Variants in KCNT2 observed in about 807,000 individuals in gnomAD.
KCNT2 encodes potassium channel subfamily T member 2.
A neutral mutation model predicts 153.8 loss-of-function variants in KCNT2; 67 were observed. The observed-to-expected ratio is 0.44, with a 90% CI of 0.36 to 0.53. The LOEUF (loss-of-function observed/expected upper bound fraction) is 0.53, where lower values mean the gene tolerates loss of function less well. Ranked by LOEUF, KCNT2 falls within the 20% of genes least tolerant of loss-of-function variation. KCNT2 has a pLI of 0.00. For synonymous variants in KCNT2, 500 were observed against 458.8 expected, an observed-to-expected ratio of 1.09 and a Z score of -1.15; for missense variants, 975 against 1,354.8, an observed-to-expected ratio of 0.72 and a Z score of 4.40.
At chr1:196,478,637 A>G (rs1572588298) in intron 5 of KCNT2, among the ~76,000 whole-genome samples, 1 of 152,064 alleles carries the variant, frequency 6.6e-6, no homozygotes, top group African/African-American at 2.4e-5. Context: ...CCTCACTGGA[A>G]TTACCCATTA....
intron 1 of KCNT2, among the ~76,000 whole-genome samples, chr1:196,505,451 T>C (rs908136986): frequency 8.6e-5 from 13 of 151,602 alleles, no homozygotes; most frequent in African/African-American, 2.9e-4. Context: ...ATATCTCTGT[T>C]TTGGTACCAG....
chr1:196,273,739 G>C (rs1046997596), intron 25 of KCNT2, among the ~76,000 whole-genome samples: 4 of 151,680 alleles, frequency 2.6e-5, no homozygotes, highest in Non-Finnish European at 4.4e-5. Context: ...TGTAATAGTA[G>C]AGTGTTAATG....
intron 14 of KCNT2, among the ~76,000 whole-genome samples, chr1:196,345,502 T>C (rs1483503236): frequency 1.3e-5 from 2 of 151,290 alleles, no homozygotes; most frequent in Non-Finnish European, 2.9e-5. Flanking sequence ...GGAGGAGGGA[T>C]CATGTAGGAC....
intron 1 of KCNT2, among the ~76,000 whole-genome samples, chr1:196,511,069 C>T (rs561175187): frequency 4.6e-5 from 7 of 151,530 alleles, no homozygotes; most frequent in South Asian, 2.1e-4. Flanking sequence ...CTAAAGGAAG[C>T]ACCTAAAAAA....
At chr1:196,289,630 T>C (rs898968131) in intron 22 of KCNT2, among the ~76,000 whole-genome samples, 1 of 152,182 alleles carries the variant, frequency 6.6e-6, no homozygotes, top group East Asian at 1.9e-4. Flanking sequence ...ACTTTGGTTA[T>C]TTAACAGAGG....
chr1:196,271,577 T>C (rs764149447), intron 25 of KCNT2, among the ~76,000 whole-genome samples: 1 of 151,998 alleles, frequency 6.6e-6, no homozygotes, highest in African/African-American at 2.4e-5. Context: ...AATGCTTTCC[T>C]GGGTTTGAGA....
At chr1:196,519,003 C>T (rs1174744136) in intron 1 of KCNT2, among the ~76,000 whole-genome samples, 8 of 152,088 alleles carry the variant, frequency 5.3e-5, no homozygotes, top group Admixed American at 1.3e-4. Context: ...TTCTCATTGC[C>T]ACAAGGCACA....
intron 1 of KCNT2, among the ~76,000 whole-genome samples, chr1:196,578,623 T>C (rs747409459): frequency 3.9e-5 from 6 of 152,166 alleles, no homozygotes; most frequent in African/African-American, 1.4e-4. Flanking sequence ...ACTTAACGTA[T>C]GAAGAATTCT....
At chr1:196,570,436 G>A (rs1660644547) in intron 1 of KCNT2, among the ~76,000 whole-genome samples, 2 of 152,058 alleles carry the variant, frequency 1.3e-5, no homozygotes, top group Admixed American at 6.6e-5. Flanking sequence ...AAGGAAGAGA[G>A]TTAGACATAC....
At chr1:196,339,617 G>C (rs1665413591) in intron 16 of KCNT2, among the ~76,000 whole-genome samples, 1 of 151,790 alleles carries the variant, frequency 6.6e-6, no homozygotes. Context: ...TAGGTAATGA[G>C]GAGGGATTAA....
intron 8 of KCNT2, among the ~76,000 whole-genome samples, chr1:196,434,441 C>T (rs964998400): frequency 1.3e-5 from 2 of 151,898 alleles, no homozygotes; most frequent in Non-Finnish European, 2.9e-5. Context: ...AAAAAGTCTC[C>T]TACTGTGCTT....
intron 8 of KCNT2, among the ~76,000 whole-genome samples, chr1:196,441,870 A>G (rs1354514766): frequency 6.6e-6 from 1 of 151,848 alleles, no homozygotes; most frequent in Non-Finnish European, 1.5e-5. Context: ...ACATTTATTA[A>G]GAAATACATA....
intron 1 of KCNT2, among the ~76,000 whole-genome samples, chr1:196,527,806 G>A (rs938796577): frequency 6.6e-6 from 1 of 152,110 alleles, no homozygotes; most frequent in Non-Finnish European, 1.5e-5. Flanking sequence ...TATGAACGGA[G>A]GTACACCCCT....
intron 8 of KCNT2, among the ~76,000 whole-genome samples, chr1:196,440,470 A>T (rs1481785570): frequency 6.6e-6 from 1 of 152,062 alleles, no homozygotes; most frequent in Admixed American, 6.6e-5. Flanking sequence ...TACCAAACAT[A>T]TCTGCCAAAT....
intron 12 of KCNT2, among the ~76,000 whole-genome samples, chr1:196,411,883 T>C (rs1014070220): frequency 6.6e-6 from 1 of 151,822 alleles, no homozygotes; most frequent in African/African-American, 2.4e-5. Flanking sequence ...TAACTATAGA[T>C]ATGCTCCTAT....
Position 196,282,262 on chromosome 1 carries a change from T to C in KCNT2, c.2781+11A>G. On this transcript the variant is annotated intron_variant, in intron 24 of 27. Transcript: ENST00000294725. ...CACAACTATCTTTTATTCTAGAGAT[T>C]ATTAACTTACAGAACAAAGAAACCC... The C allele has an allele frequency of 6.8e-7, 1 of 1,471,224 alleles. No individual in the cohort carries two copies. Among genetic ancestry groups the C allele is most frequent in the Non-Finnish European group, 9.5e-7 (1 of 1,052,948 alleles). 91.1% of individuals were successfully genotyped at this position (1,471,224 alleles called of 1,614,324 possible).
At chr1:196,381,814 G>C (rs1669516500) in intron 13 of KCNT2, among the ~76,000 whole-genome samples, 1 of 152,146 alleles carries the variant, frequency 6.6e-6, no homozygotes, top group Admixed American at 6.5e-5. Flanking sequence ...TAATAGTGAA[G>C]TTTGAGAGAA....
At chr1:196,467,485 G>C (rs1345291806) in intron 7 of KCNT2, among the ~76,000 whole-genome samples, 1 of 151,660 alleles carries the variant, frequency 6.6e-6, no homozygotes, top group Non-Finnish European at 1.5e-5. Flanking sequence ...AATTTACTAT[G>C]ACCTAAATTA....
rs137905179 is a variant in KCNT2 at position 196,460,645 on chromosome 1, A to T, written c.638+4648T>A. 6.5e-4 allele frequency among the ~76,000 whole-genome samples: 98 copies of T among 151,824 alleles called. No individual in the cohort carries two copies. In the East Asian group the frequency reaches 0.011, roughly 18 times the overall value. ...GAATGTTGAAGAAGCATAAACCTTG[A>T]CCATATTCCATAATTTAGACAGACT... On this transcript the variant is annotated intron_variant, in intron 8 of 27. Transcript: ENST00000294725.
Sources: allele counts gnomAD v4.1 joint callset (sites outside exome capture counted in the v4.1 genomes callset), GRCh38; gene constraint gnomAD v4.1.1; transcripts MANE v1.5; gene names NCBI Gene and HGNC (gene_info 2026-07-23, HGNC 2026-07-21).